Variants in SSBP3 observed in about 807,000 individuals in gnomAD.
SSBP3 encodes the protein single stranded DNA binding protein 3.
A neutral mutation model predicts 69.6 loss-of-function variants in SSBP3; 5 were observed. That is an observed-to-expected ratio of 0.07 (90% CI 0.04 to 0.15). The LOEUF is 0.15. Ranked by LOEUF, SSBP3 falls within the 10% of genes least tolerant of loss-of-function variation. SSBP3 has a pLI of 1.00. For missense variants in SSBP3, 312 were observed against 534.0 expected, an observed-to-expected ratio of 0.58 and a Z score of 4.10; for synonymous variants, 196 against 193.4, an observed-to-expected ratio of 1.01 and a Z score of -0.11.
At chr1:54,267,187 C>G (rs1645116691) in intron 5 of SSBP3, among the ~76,000 whole-genome samples, 4 of 152,226 alleles carry the variant, frequency 2.6e-5, no homozygotes, top group Admixed American at 2.0e-4. Context: ...TGAGACGTGA[C>G]TTTGCCTCCA....
chr1:54,408,647 C>T (rs950930210), upstream of SSBP3, among the ~76,000 whole-genome samples: 3 of 152,216 alleles, frequency 2.0e-5, no homozygotes, highest in Non-Finnish European at 4.4e-5. Context: ...TCAGTTTCTT[C>T]ACCTGTCAAA....
intron 4 of SSBP3, among the ~76,000 whole-genome samples, chr1:54,399,537 T>C (rs888821390): frequency 2.0e-5 from 3 of 152,206 alleles, no homozygotes; most frequent in Non-Finnish European, 4.4e-5. Context: ...AGGTGGTTTT[T>C]ATAGATATGG....
At chr1:54,314,441 G>A (rs1646060153) in intron 4 of SSBP3, among the ~76,000 whole-genome samples, 1 of 152,168 alleles carries the variant, frequency 6.6e-6, no homozygotes, top group Non-Finnish European at 1.5e-5. Context: ...TGTCACCAAA[G>A]GCTGTGGCCT....
intron 7 of SSBP3, chr1:54,255,576 A>G (rs1452208531): frequency 6.6e-6 from 1 of 152,158 alleles, no homozygotes; most frequent in Non-Finnish European, 1.5e-5. Context: ...TCACTTTGGG[A>G]AGTCACTCCT....
intron 4 of SSBP3, among the ~76,000 whole-genome samples, chr1:54,381,116 G>C (rs1057109519): frequency 2.6e-5 from 4 of 152,070 alleles, no homozygotes; most frequent in Admixed American, 6.5e-5. Flanking sequence ...TGGAAGTGGT[G>C]ACTCACGCCT....
At chr1:54,329,899 C>T (rs913246671) in intron 4 of SSBP3, among the ~76,000 whole-genome samples, 2 of 152,180 alleles carry the variant, frequency 1.3e-5, no homozygotes, top group African/African-American at 4.8e-5. Context: ...GAACACTGGA[C>T]TGCTTTTGGG....
intron 9 of SSBP3, among the ~76,000 whole-genome samples, chr1:54,244,934 A>C (rs988363154): frequency 2.0e-5 from 3 of 151,706 alleles, no homozygotes; most frequent in African/African-American, 7.3e-5. Flanking sequence ...TCCATCTCCC[A>C]TCTCTCCTAG....
At chr1:54,301,253 G>C (rs1645795882) in intron 4 of SSBP3, among the ~76,000 whole-genome samples, 1 of 152,186 alleles carries the variant, frequency 6.6e-6, no homozygotes, top group Non-Finnish European at 1.5e-5. Flanking sequence ...TGGACCATTT[G>C]GCAGGAAGGA....
chr1:54,289,602 G>A (rs534319754), intron 4 of SSBP3, among the ~76,000 whole-genome samples: 8 of 152,278 alleles, frequency 5.3e-5, no homozygotes, highest in African/African-American at 1.7e-4. Flanking sequence ...CGCTGTGAGC[G>A]GGGATTAGGG....
chr1:54,289,612 G>C (rs557289263), intron 4 of SSBP3, among the ~76,000 whole-genome samples: 1 of 152,182 alleles, frequency 6.6e-6, no homozygotes, highest in Non-Finnish European at 1.5e-5. Context: ...GGGGATTAGG[G>C]GGATCAGGGA....
chr1:54,353,442 C>T (rs997314392), intron 4 of SSBP3, among the ~76,000 whole-genome samples: 3 of 152,222 alleles, frequency 2.0e-5, no homozygotes, highest in East Asian at 1.9e-4. Context: ...TCCTCAGAAG[C>T]TTCAGCCTTA....
intron 9 of SSBP3, among the ~76,000 whole-genome samples, chr1:54,243,816 A>G (rs1644685046): frequency 6.6e-6 from 1 of 152,254 alleles, no homozygotes; most frequent in African/African-American, 2.4e-5. Context: ...TCCAGGTGGT[A>G]GTCCTACCCC....
intron 4 of SSBP3, among the ~76,000 whole-genome samples, chr1:54,314,475 G>C (rs1036976093): frequency 6.6e-6 from 1 of 152,212 alleles, no homozygotes; most frequent in Admixed American, 6.5e-5. Flanking sequence ...CACCTGGCTA[G>C]TGCAGTTTCA....
intron 1 of SSBP3, chr1:54,405,302 C>G (rs768643930): frequency 6.6e-5 from 19 of 287,756 alleles, no homozygotes; most frequent in Non-Finnish European, 1.0e-4. Context: ...CGAGGAGACT[C>G]GGCCCTGGAC....
intron 4 of SSBP3, among the ~76,000 whole-genome samples, chr1:54,323,693 A>G (rs1646254078): frequency 6.6e-6 from 1 of 152,168 alleles, no homozygotes. Flanking sequence ...GATTCCAATG[A>G]CAGCTGAATT....
At chr1:54,335,180 A>C (rs184398601) in intron 4 of SSBP3, among the ~76,000 whole-genome samples, 1 of 152,212 alleles carries the variant, frequency 6.6e-6, no homozygotes, top group Non-Finnish European at 1.5e-5. Flanking sequence ...CCCATCAAGA[A>C]GGGCAAAGCA....
chr1:54,229,178 T>C (rs1411311765), intron 14 of SSBP3, among the ~76,000 whole-genome samples: 3 of 152,150 alleles, frequency 2.0e-5, no homozygotes, highest in African/African-American at 7.2e-5. Context: ...CAGAGGCACA[T>C]GTGGACAGCT....
chr1:54,380,736 C>G (rs1320421957), intron 4 of SSBP3, among the ~76,000 whole-genome samples: 1 of 152,114 alleles, frequency 6.6e-6, no homozygotes, highest in East Asian at 1.9e-4. Context: ...TGTAATGCCC[C>G]ACCCCCAACC....
intron 4 of SSBP3, among the ~76,000 whole-genome samples, chr1:54,371,887 G>A (rs1195179352): frequency 6.6e-6 from 1 of 152,072 alleles, no homozygotes; most frequent in Non-Finnish European, 1.5e-5. Flanking sequence ...ACCGAGGGAA[G>A]GGCCTCCCAC....
Sources: allele counts gnomAD v4.1 joint callset (sites outside exome capture counted in the v4.1 genomes callset), GRCh38; gene constraint gnomAD v4.1.1; transcripts MANE v1.5; gene names NCBI Gene and HGNC (gene_info 2026-07-23, HGNC 2026-07-21).